RNF213: variants seen among roughly 807,000 people sequenced by gnomAD.
The protein encoded by RNF213 is ring finger protein 213, also known as E3 ubiquitin-protein ligase RNF213.
Under a neutral mutation model 514.4 loss-of-function variants are expected in RNF213, and 341 were observed. The observed-to-expected ratio is 0.66, with a 90% CI of 0.61 to 0.73. The LOEUF is 0.73. RNF213 is among the 30% of genes least tolerant of loss of function. The probability of loss-of-function intolerance (pLI) is 0.00; values close to 1 mark genes in which losing one functional copy is unlikely to be tolerated. For synonymous variants in RNF213, 2,655 were observed against 2,658.2 expected (o/e 1.00, Z 0.04); for missense variants, 5,767 against 6,615.6 (o/e 0.87, Z 4.45).
At chr17:80,272,121 T>TA (rs756234171) in intron 2 of RNF213, among the ~76,000 whole-genome samples, 106 of 147,768 alleles carry the variant, frequency 7.2e-4, no homozygotes, top group Admixed American at 2.1e-3. Context: ...CTGTCTCTAC[T>TA]AAAAACACAA....
rs1278820346 is a variant in RNF213 at position 80,379,647 on chromosome 17, T to TGCATTGACTGCCATGCGCCGATTGGAG, written c.13582_13608dup (p.Cys4528_Asp4536dup). On this transcript the variant is annotated inframe_insertion, in exon 55 of 68. Transcript: ENST00000582970. ...TGGCAGGCCGATGGAACAGAGCATC[T>TGCATTGACTGCCATGCGCCGATTGGAG]GCATTGACTGCCATGCGCCGATTGG... 6.2e-7 allele frequency: 1 copy of TGCATTGACTGCCATGCGCCGATTGGAG among 1,614,224 alleles called. No individual in the cohort carries two copies.
chr17:80,291,013 T>C (rs1363674090), intron 7 of RNF213, among the ~76,000 whole-genome samples: 1 of 152,102 alleles, frequency 6.6e-6, no homozygotes, highest in Non-Finnish European at 1.5e-5. Flanking sequence ...TTCTACTAAA[T>C]GCTGGCTAGG....
intron 42 of RNF213, among the ~76,000 whole-genome samples, chr17:80,365,985 T>G (rs1255517280): frequency 2.0e-5 from 3 of 152,222 alleles, no homozygotes; most frequent in Non-Finnish European, 4.4e-5. Context: ...GGTTTCTGGT[T>G]TATTTCCTTC....
At chr17:80,374,341 C>T (rs1282822161) in intron 49 of RNF213, 117 bp from the exon 50 acceptor site, 2 of 1,380,320 alleles carry the variant, frequency 1.4e-6, no homozygotes, top group African/African-American at 1.4e-5. Flanking sequence ...CAGGGAATCC[C>T]AGCTTGGCTG....
rs560234620 is a variant in RNF213, at chr17:80,290,646, C to T, written c.1189C>T (p.Leu397Phe). ...TCTTCATTTCCCATTCAATCCTGACCTCCATAAAGTCTTCATCAGAGGAGG... is the reference window on the plus strand; with the variant it reads ...TCTTCATTTCCCATTCAATCCTGACTTCCATAAAGTCTTCATCAGAGGAGG... ...ISLHFPFNPDLHKVFIRGGEE... is the reference protein window; with the variant it reads ...ISLHFPFNPDFHKVFIRGGEE... The change falls in exon 7 of 68, where the codon CTC (leucine) becomes TTC (phenylalanine). Residue 397 changes from leucine to phenylalanine, a missense_variant. By Grantham distance (22) the Leu-to-Phe change is conservative (BLOSUM62 0). Around this residue, in one of 13 missense-constraint regions of RNF213, gnomAD observed 509 missense variants for 496.7 expected, o/e 1.02. Coordinates refer to ENST00000582970, the MANE Select transcript of RNF213 (RefSeq NM_001256071.3). The T allele has an allele frequency of 1.9e-6, 3 of 1,614,154 alleles. No homozygotes were observed. The highest frequency in any genetic ancestry group is 3.3e-5 in the Admixed American group (2 of 60,024).
chr17:80,367,698 G>A lies in RNF213; in HGVS notation c.11872-50G>A, dbSNP rs764631143. 8.0e-6 allele frequency: 12 copies of A among 1,497,668 alleles called. 1 individual carries two copies. The highest frequency in any genetic ancestry group is 5.6e-5 in the South Asian group (5 of 88,688). The allele number at this position is 1,497,668 out of a possible 1,614,324, so 92.8% of individuals were successfully genotyped here. A position where few individuals can be genotyped will look rare whatever the true frequency, so the allele number is the denominator to read the frequency against. ...GCTCCCTCTGTCGCCCGGCCTGGCC[G>A]CCCTCAGCCCTCCCCCCTGCTAATG... On this transcript the variant is annotated intron_variant, in intron 42 of 67. Coordinates refer to ENST00000582970, the MANE Select transcript of RNF213 (RefSeq NM_001256071.3).
intron 29 of RNF213, 95 bp from the exon 30 acceptor site, chr17:80,349,675 A>T: frequency 7.3e-7 from 1 of 1,363,782 alleles, no homozygotes; most frequent in Non-Finnish European, 1.0e-6. Flanking sequence ...ACCGCGCTGA[A>T]CATCGCAGGT....
In RNF213 at chr17:80,345,824, T is replaced by C. The variant is rs1273217013; in HGVS notation, c.7489T>C (p.Cys2497Arg). Residue 2497 changes from cysteine (C) to arginine (R), a missense_variant, in exon 29 of 68, where the codon TGT (cysteine) becomes CGT (arginine). This residue lies in a region of RNF213 where 1,377 missense variants were observed against 1,635.2 expected (regional missense o/e 0.84). Transcript: ENST00000582970. The surrounding 1 kb of genome is among the most constrained non-coding windows in gnomAD (Gnocchi z 6.0). ...AGCCAACACAACGGAAGCTATAAGC[T>C]GTATCAAAGAAGTCCTGTGTGATCA... is the stretch of plus-strand genomic sequence containing the variant. The part of the protein sequence containing the change: ...DEANTTEAIS[C>R]IKEVLCDHMV... The C allele has an allele frequency of 6.2e-7, 1 of 1,613,992 alleles. No homozygotes were observed. Among genetic ancestry groups the C allele is most frequent in the Admixed American group, 1.7e-5 (1 of 60,000 alleles).
intron 58 of RNF213, 91 bp downstream of exon 58, chr17:80,383,161 C>T (rs530100712): frequency 1.4e-5 from 12 of 884,320 alleles, no homozygotes; most frequent in Non-Finnish European, 2.3e-5. Flanking sequence ...TGTTGCCCCT[C>T]GTAGCGGTGC....
intron 3 of RNF213, among the ~76,000 whole-genome samples, chr17:80,283,034 G>C (rs1333369155): frequency 6.6e-6 from 1 of 152,102 alleles, no homozygotes; most frequent in East Asian, 1.9e-4. Context: ...CATCCTAAAA[G>C]CTCTAGAAAA....
At chr17:80,262,290 G>A (rs1267442729) in intron 1 of RNF213, among the ~76,000 whole-genome samples, 2 of 152,242 alleles carry the variant, frequency 1.3e-5, no homozygotes, top group African/African-American at 4.8e-5. Context: ...TGGAATAAAA[G>A]GGCAGCAGAC....
At chr17:80,319,453 C>T (rs771992419) in intron 17 of RNF213, 141 bp downstream of exon 17, 27 of 1,614,076 alleles carry the variant, frequency 1.7e-5, no homozygotes, top group South Asian at 5.5e-5. Context: ...CCTCCTCCCT[C>T]GCCAAGGGCA....
Position 80,367,945 on chromosome 17 carries a change from CCTT to C in RNF213, c.11973-12_11973-10del, listed in dbSNP as rs1280552719. 3.1e-6 allele frequency: 5 copies of C among 1,614,210 alleles called. No homozygotes were observed. Among genetic ancestry groups the C allele is most frequent in the South Asian group, 2.2e-5 (2 of 91,088 alleles). On this transcript the variant is annotated splice_polypyrimidine_tract_variant and intron_variant, in intron 43 of 67. Transcript: ENST00000582970. The stretch of plus-strand genomic sequence containing the variant: ...GTTTCTCTGCTTCAGAACTGATTGC[CCTT>C]CTTGGATTCTAGGTTTGGGATTCAG...
chr17:80,273,663 A>G (rs1052359440), intron 3 of RNF213, among the ~76,000 whole-genome samples: 4 of 127,368 alleles, frequency 3.1e-5, no homozygotes, highest in African/African-American at 1.2e-4. Context: ...CTTGTTGCCC[A>G]GGCTGGAGTG....
At chr17:80,383,286 G>A (rs989313482) in intron 58 of RNF213, among the ~76,000 whole-genome samples, 9 of 152,150 alleles carry the variant, frequency 5.9e-5, no homozygotes, top group African/African-American at 1.4e-4. Flanking sequence ...AAGTCAGTCC[G>A]AGGAATTCCT....
At position 80,273,331 on chromosome 17, in the gene RNF213, T is replaced by C. The variant is rs772641133; in HGVS notation, c.188T>C (p.Leu63Ser). The C allele has an allele frequency of 6.8e-6, 11 of 1,613,402 alleles. No individual in the cohort carries two copies. The highest frequency in any genetic ancestry group is 9.3e-6 in the Non-Finnish European group (11 of 1,180,020). The change falls in exon 3 of 68, where the codon TTG becomes TCG. Residue 63 changes from leucine to serine, a missense_variant. Around this residue, in one of 13 missense-constraint regions of RNF213, gnomAD observed 509 missense variants for 496.7 expected, o/e 1.02. Coordinates refer to ENST00000582970, the MANE Select transcript of RNF213 (RefSeq NM_001256071.3). ...CTGAAGGAGGAAGGGGGCCCGTGCT[T>C]GTTCCCGGGCTCAGACAGTTGGCAA... is the stretch of plus-strand genomic sequence containing the variant. Reference protein sequence around the residue: ...QELKEEGGPCLFPGSDSWQEN... With the variant: ...QELKEEGGPCSFPGSDSWQEN...
intron 64 of RNF213, 107 bp downstream of exon 64, chr17:80,388,796 CCA>C: frequency 4.4e-6 from 4 of 906,182 alleles, no homozygotes; most frequent in Non-Finnish European, 7.4e-6. Flanking sequence ...TGCTGTGAGC[CCA>C]CAGTTTCTGC....
rs559438324 is a variant in RNF213 at position 80,264,650 on chromosome 17, T to C, written c.97+872T>C. On this transcript the variant is annotated intron_variant, in intron 2 of 67. Coordinates refer to ENST00000582970, the MANE Select transcript of RNF213 (RefSeq NM_001256071.3). The surrounding 1 kb of genome is among the most constrained non-coding windows in gnomAD (Gnocchi z 5.0). Reference sequence around the variant, plus strand: ...TCCATGACCCACATGCAGAGGGCCCTGCTGGTCTCCCCGCCTCCACGCTGC... The same window carrying C: ...TCCATGACCCACATGCAGAGGGCCCCGCTGGTCTCCCCGCCTCCACGCTGC... 7.2e-4 allele frequency among the ~76,000 whole-genome samples: 109 copies of C among 152,226 alleles called. No individual in the cohort carries two copies. Among genetic ancestry groups the C allele is most frequent in the Middle Eastern group, 3.4e-3 (1 of 294 alleles).
rs771922492 is a variant in RNF213, at chr17:80,294,874, G to A, written c.1626G>A (p.Gln542=). Residue 542 remains glutamine (Q), a synonymous_variant, in exon 9 of 68, where the codon CAG becomes CAA. Transcript: ENST00000582970. The part of the protein sequence containing the change: ...LMLDSTFSIL[Q]TWDTINLNSF... ...TGGACAGCACCTTCAGCATCCTGCA[G>A]ACCTGGGACACCATCAACCTGAACA... The A allele has an allele frequency of 3.7e-6, 6 of 1,614,098 alleles. No homozygotes were observed. The highest frequency in any genetic ancestry group is 5.1e-6 in the Non-Finnish European group (6 of 1,180,054).
Sources: allele counts gnomAD v4.1 joint callset (sites outside exome capture counted in the v4.1 genomes callset), GRCh38; gene constraint gnomAD v4.1.1; regional missense constraint gnomAD v4.1.1; non-coding constraint Gnocchi (gnomAD v3.1); transcripts MANE v1.5; gene names NCBI Gene and HGNC (gene_info 2026-07-23, HGNC 2026-07-21).